PTH2R: variants seen among roughly 807,000 people sequenced by gnomAD.
The protein encoded by PTH2R is PTH2 receptor.
PTH2R carries 59 observed loss-of-function variants against 60.3 expected under a neutral mutation model. That is an observed-to-expected ratio of 0.98 (90% confidence interval 0.79 to 1.22). PTH2R has a LOEUF of 1.22. PTH2R is among the 50% of genes most tolerant of loss of function. PTH2R has a pLI of 0.00. For synonymous variants in PTH2R, 256 were observed against 243.8 expected, an observed-to-expected ratio of 1.05 and a Z score of -0.47; for missense variants, 749 against 682.6, an observed-to-expected ratio of 1.10 and a Z score of -1.08.
chr2:208,444,104 C>G (rs1004417233), intron 6 of PTH2R, among the ~76,000 whole-genome samples: 1 of 152,124 alleles, frequency 6.6e-6, no homozygotes, highest in Non-Finnish European at 1.5e-5. Context: ...GGATCTGTGC[C>G]TTTGCCCTGT....
In PTH2R at chr2:208,481,197, T is replaced by C. The variant is rs544412412; in HGVS notation, c.1076+33T>C. On this transcript the variant is annotated intron_variant, in intron 10 of 12. Transcript: ENST00000272847. Reference sequence around the variant, plus strand: ...CAGGAGAGGCATCCATCAGAGGAAATATTTTGGTTACTATTTCTTTCCTTT... The same window carrying C: ...CAGGAGAGGCATCCATCAGAGGAAACATTTTGGTTACTATTTCTTTCCTTT... 3 of 1,439,500 alleles carry C rather than the reference T, an allele frequency of 2.1e-6. No homozygotes were observed. The South Asian group carries it at 3.7e-5, about 18-fold the overall frequency. The allele number at this position is 1,439,500 out of a possible 1,614,324, so 89.2% of individuals were successfully genotyped here. A position where few individuals can be genotyped will look rare whatever the true frequency, so the allele number is the denominator to read the frequency against.
rs917194472 is a variant in PTH2R at position 208,467,275 on chromosome 2, C to CT, written c.981+7322dup. 3.1e-4 allele frequency among the ~76,000 whole-genome samples: 47 copies of CT among 151,932 alleles called. 1 individual carries two copies. Among genetic ancestry groups the CT allele is most frequent in the African/African-American group, 1.1e-3 (44 of 41,462 alleles). On this transcript the variant is annotated intron_variant, in intron 9 of 12. Coordinates refer to ENST00000272847, the MANE Select transcript of PTH2R (RefSeq NM_005048.4). ...GTGGGAGCAAGTTTTCTTTTCTTTT[C>CT]TTTTTTTTCCCCCTAGCTTTCTACT...
At chr2:208,444,262 G>A (rs990671183) in intron 6 of PTH2R, among the ~76,000 whole-genome samples, 2 of 152,148 alleles carry the variant, frequency 1.3e-5, no homozygotes, top group Admixed American at 1.3e-4. Flanking sequence ...CAGATCAGCC[G>A]AACTACCCAG....
intron 1 of PTH2R, among the ~76,000 whole-genome samples, chr2:208,365,948 ATATATATATATATTTTTTTTTTTTTT>A (rs1700576669): frequency 1.3e-4 from 2 of 15,496 alleles, no homozygotes; most frequent in African/African-American, 4.1e-4. Flanking sequence ...ATATATATAT[ATATATATATATATTTTTTTTTTTTTT>A]TTTTTTTTTT....
Position 208,443,468 on chromosome 2 carries a change from G to A in PTH2R, c.630G>A (p.Leu210=). ...VVHAHIGVKE[L]ESLIMQDDPQ... ...ATGCTCACATAGGAGTAAAGGAGCT[G>A]GAGTCCCTAATAATGCAGGATGACC... The change falls in exon 6 of 13, where the codon CTG becomes CTA. Residue 210 remains leucine (L), a synonymous_variant. Coordinates refer to ENST00000272847, the MANE Select transcript of PTH2R (RefSeq NM_005048.4). The A allele has an allele frequency of 1.2e-6, 2 of 1,613,770 alleles. No homozygotes were observed. The highest frequency in any genetic ancestry group is 1.7e-6 in the Non-Finnish European group (2 of 1,179,880).
chr2:208,474,507 A>ATCAC (rs1201630556), intron 9 of PTH2R, among the ~76,000 whole-genome samples: 1 of 152,224 alleles, frequency 6.6e-6, no homozygotes, highest in Non-Finnish European at 1.5e-5. Flanking sequence ...ACTTACCTAA[A>ATCAC]TCACTTAATA....
At chr2:208,467,743 T>G (rs1405579914) in intron 9 of PTH2R, among the ~76,000 whole-genome samples, 1 of 152,156 alleles carries the variant, frequency 6.6e-6, no homozygotes, top group Non-Finnish European at 1.5e-5. Flanking sequence ...GAGACAGGGA[T>G]GCTATCTCTC....
chr2:208,443,618 G>A, intron 6 of PTH2R, 81 bp downstream of exon 6: 2 of 1,218,280 alleles, frequency 1.6e-6, no homozygotes, highest in Middle Eastern at 2.1e-4. Flanking sequence ...CACTAAACAT[G>A]TTAACTTGCT....
intron 9 of PTH2R, among the ~76,000 whole-genome samples, chr2:208,477,312 C>T (rs1197208206): frequency 1.3e-5 from 2 of 151,980 alleles, no homozygotes; most frequent in South Asian, 2.1e-4. Context: ...CTAGGAAGGG[C>T]GAATGAGTGG....
chr2:208,491,629 T>C (rs895977863), intron 12 of PTH2R, among the ~76,000 whole-genome samples: 15 of 152,256 alleles, frequency 9.9e-5, no homozygotes, highest in African/African-American at 3.6e-4. Context: ...TTTTGTGTTT[T>C]ATCCATACAT....
At chr2:208,439,665 T>G (rs1272990057) in intron 4 of PTH2R, among the ~76,000 whole-genome samples, 1 of 152,064 alleles carries the variant, frequency 6.6e-6, no homozygotes, top group Non-Finnish European at 1.5e-5. Context: ...GTAATTATTT[T>G]AGTTAAAAAA....
intron 3 of PTH2R, 32 bp from the exon 4 acceptor site, chr2:208,437,728 G>T: frequency 6.2e-7 from 1 of 1,606,950 alleles, no homozygotes; most frequent in South Asian, 1.1e-5. Context: ...TAAGGGAACT[G>T]AGCGATCTCA....
intron 9 of PTH2R, among the ~76,000 whole-genome samples, chr2:208,479,231 TG>T (rs1188934779): frequency 2.0e-5 from 3 of 150,806 alleles, no homozygotes; most frequent in African/African-American, 4.9e-5. Context: ...TTTCTGGGGG[TG>T]GGGGGTGCAG....
At chr2:208,486,661 G>A (rs1703280070) in intron 10 of PTH2R, among the ~76,000 whole-genome samples, 2 of 152,180 alleles carry the variant, frequency 1.3e-5, no homozygotes, top group African/African-American at 4.8e-5. Flanking sequence ...CCTTTTATCT[G>A]ATTAGGCTGA....
At position 208,447,363 on chromosome 2, in the gene PTH2R, C is replaced by T. The variant is rs1233548806; in HGVS notation, c.853+2476C>T. 3.9e-5 allele frequency among the ~76,000 whole-genome samples: 6 copies of T among 151,930 alleles called. 1 individual carries two copies. Among genetic ancestry groups the T allele is most frequent in the South Asian group, 4.2e-4 (2 of 4,816 alleles). On this transcript the variant is annotated intron_variant, in intron 7 of 12. Coordinates refer to ENST00000272847, the MANE Select transcript of PTH2R (RefSeq NM_005048.4). ...CAGGACTTTGGGAGGCCGAGGCGGG[C>T]GGATCATGAGGTCAGGAGATTGAGA...
intron 4 of PTH2R, among the ~76,000 whole-genome samples, chr2:208,438,988 A>T (rs1702131160): frequency 1.3e-5 from 2 of 152,220 alleles, no homozygotes; most frequent in African/African-American, 4.8e-5. Flanking sequence ...GAACTAACAT[A>T]AGTAACATCA....
chr2:208,402,112 G>A (rs964370685), upstream of PTH2R, among the ~76,000 whole-genome samples: 3 of 152,050 alleles, frequency 2.0e-5, no homozygotes, highest in African/African-American at 7.2e-5. Flanking sequence ...TTACCAACAA[G>A]GCAGTTTTCT....
At chr2:208,422,089 C>T (rs1168604517) in intron 1 of PTH2R, among the ~76,000 whole-genome samples, 1 of 152,060 alleles carries the variant, frequency 6.6e-6, no homozygotes, top group East Asian at 1.9e-4. Flanking sequence ...GGTCGGAGAA[C>T]CAGGGGAGCT....
intron 1 of PTH2R, among the ~76,000 whole-genome samples, chr2:208,425,276 G>A (rs1190438526): frequency 6.6e-6 from 1 of 152,082 alleles, no homozygotes; most frequent in Non-Finnish European, 1.5e-5. Flanking sequence ...TGAGGTAGGA[G>A]GTGGGGCTCA....
Sources: gnomAD v4.1 joint callset for allele counts (sites outside exome capture counted in the v4.1 genomes callset) on GRCh38, gnomAD v4.1.1 for gene constraint, MANE v1.5 for transcripts, NCBI Gene and HGNC (gene_info 2026-07-23, HGNC 2026-07-21) for gene names.